The following KSR2 variants were observed in gnomAD, a reference collection of about 807,000 sequenced individuals.
KSR2 encodes the protein kinase suppressor of ras 2.
KSR2 carries 25 observed loss-of-function variants against 107.8 expected under a neutral mutation model. The observed-to-expected ratio is 0.23, with a 90% confidence interval of 0.17 to 0.32. The LOEUF is 0.32. Ranked by LOEUF, KSR2 falls within the 10% of genes least tolerant of loss-of-function variation. The probability of loss-of-function intolerance (pLI) is 1.00; values close to 1 mark genes in which losing one functional copy is unlikely to be tolerated. For missense variants in KSR2, 887 were observed against 1,268.9 expected (o/e 0.70, Z 4.57); for synonymous variants, 480 against 507.0 (o/e 0.95, Z 0.71).
intron 16 of KSR2, among the ~76,000 whole-genome samples, chr12:117,479,977 T>A (rs1428835775): frequency 1.3e-5 from 2 of 152,142 alleles, no homozygotes; most frequent in Non-Finnish European, 2.9e-5. Context: ...CACAGGACTG[T>A]GTCAGCTGCC....
intron 3 of KSR2, among the ~76,000 whole-genome samples, chr12:117,843,594 A>G (rs1264364331): frequency 6.6e-6 from 1 of 152,202 alleles, no homozygotes; most frequent in Non-Finnish European, 1.5e-5. Context: ...CATGCCCTGA[A>G]GAGTAACATG....
At chr12:117,660,586 C>T (rs1884394486) in intron 5 of KSR2, among the ~76,000 whole-genome samples, 1 of 152,152 alleles carries the variant, frequency 6.6e-6, no homozygotes, top group Admixed American at 6.5e-5. Flanking sequence ...CCTGCCAACA[C>T]CCTATTTCCA....
intron 4 of KSR2, among the ~76,000 whole-genome samples, chr12:117,728,627 G>A (rs1887540174): frequency 6.6e-6 from 1 of 152,212 alleles, no homozygotes; most frequent in African/African-American, 2.4e-5. Flanking sequence ...CAACCTGTGT[G>A]TTCCCCCAGC....
At chr12:117,567,486 T>C (rs1022767699) in intron 7 of KSR2, among the ~76,000 whole-genome samples, 3 of 151,932 alleles carry the variant, frequency 2.0e-5, no homozygotes, top group Admixed American at 1.3e-4. Context: ...GGGGAGCTAA[T>C]GAAGGATTTT....
At chr12:117,626,688 T>G (rs183549410) in intron 5 of KSR2, among the ~76,000 whole-genome samples, 20 of 152,318 alleles carry the variant, frequency 1.3e-4, no homozygotes, top group Admixed American at 1.3e-3. Flanking sequence ...TCTGTTGATT[T>G]GGGGTGGAGA....
intron 4 of KSR2, among the ~76,000 whole-genome samples, chr12:117,729,759 C>T (rs1887584785): frequency 6.6e-6 from 1 of 152,092 alleles, no homozygotes; most frequent in Admixed American, 6.5e-5. Context: ...TGTGCCCAGT[C>T]CTGTGTTAAA....
chr12:117,947,911 T>C (rs1896247881), intron 1 of KSR2, among the ~76,000 whole-genome samples: 1 of 152,154 alleles, frequency 6.6e-6, no homozygotes, highest in Non-Finnish European at 1.5e-5. Flanking sequence ...GTTCATAGTT[T>C]GGAAGACTTT....
At chr12:117,592,473 A>G (rs1880387570) in intron 5 of KSR2, among the ~76,000 whole-genome samples, 1 of 152,142 alleles carries the variant, frequency 6.6e-6, no homozygotes, top group South Asian at 2.1e-4. Flanking sequence ...GCAGGTAACC[A>G]TCAAGCTAGG....
At position 117,525,086 on chromosome 12, in the gene KSR2, G is replaced by A. The variant is rs1388937276; in HGVS notation, c.1985C>T (p.Pro662Leu). ...TSIFLQEWDI[P>L]FEQLEIGELI... Reference sequence around the variant, plus strand: ...CTCGCCGATCTCCAGCTGCTCAAAGGGGATGTCCCACTCCTGAAGGAAGAT... The same window carrying A: ...CTCGCCGATCTCCAGCTGCTCAAAGAGGATGTCCCACTCCTGAAGGAAGAT... Residue 662 changes from proline (P) to leucine (L), a missense_variant, in exon 14 of 20, where the codon CCC becomes CTC. Around this residue, in one of 8 missense-constraint regions of KSR2, gnomAD observed 308 missense variants for 506.2 expected, o/e 0.61. Transcript: ENST00000339824. 6.2e-7 allele frequency: 1 copy of A among 1,614,016 alleles called. No individual in the cohort carries two copies.
At chr12:117,898,391 G>C (rs913206579) in intron 1 of KSR2, among the ~76,000 whole-genome samples, 1 of 151,302 alleles carries the variant, frequency 6.6e-6, no homozygotes, top group Admixed American at 6.6e-5. Flanking sequence ...GAGTGAAGTG[G>C]TACAATCTCA....
chr12:117,467,921 T>G, intron 19 of KSR2: 1 of 52,628 alleles, frequency 1.9e-5, no homozygotes, highest in Non-Finnish European at 3.4e-5. Flanking sequence ...AGTCCTGTGT[T>G]TTTTTTTTTT....
At chr12:117,712,035 G>C (rs1050063626) in intron 4 of KSR2, among the ~76,000 whole-genome samples, 2 of 152,136 alleles carry the variant, frequency 1.3e-5, no homozygotes, top group African/African-American at 4.8e-5. Context: ...ATCCAGGTTT[G>C]AATCACCCAA....
At chr12:117,775,357 A>G (rs1889651071) in intron 3 of KSR2, among the ~76,000 whole-genome samples, 1 of 152,232 alleles carries the variant, frequency 6.6e-6, no homozygotes, top group African/African-American at 2.4e-5. Context: ...CATCATAGCC[A>G]TCCTAGTGGG....
At chr12:117,923,391 T>C (rs1350226653) in intron 1 of KSR2, among the ~76,000 whole-genome samples, 2 of 152,198 alleles carry the variant, frequency 1.3e-5, no homozygotes, top group Non-Finnish European at 2.9e-5. Flanking sequence ...CTTTATAGAA[T>C]ATAACTGCCA....
intron 1 of KSR2, among the ~76,000 whole-genome samples, chr12:117,877,676 C>T (rs1426893210): frequency 6.6e-6 from 1 of 152,158 alleles, no homozygotes; most frequent in East Asian, 1.9e-4. Context: ...ATGGAACTTG[C>T]CTAAGGTCAC....
intron 10 of KSR2, among the ~76,000 whole-genome samples, chr12:117,532,808 T>A (rs926804038): frequency 6.6e-6 from 1 of 152,080 alleles, no homozygotes; most frequent in Non-Finnish European, 1.5e-5. Context: ...GACACAGAGA[T>A]TTGTGTCCTT....
chr12:117,605,384 T>C (rs929288944), intron 5 of KSR2, among the ~76,000 whole-genome samples: 1 of 149,646 alleles, frequency 6.7e-6, no homozygotes, highest in African/African-American at 2.5e-5. Flanking sequence ...GTTCATTACA[T>C]AATTTTTATT....
rs374282432 is a variant in KSR2, at chr12:117,745,928, G to A, written c.986+15083C>T. On this transcript the variant is annotated intron_variant, in intron 4 of 19. Coordinates refer to ENST00000339824, the MANE Select transcript of KSR2 (RefSeq NM_173598.6). ...TACAAACCACTGCTCAAGGAAATAGGAGAGGACACAAGCAAACGGAAAAAC... is the reference window on the plus strand; with the variant it reads ...TACAAACCACTGCTCAAGGAAATAGAAGAGGACACAAGCAAACGGAAAAAC... Among the ~76,000 whole-genome samples, 79 of 152,194 alleles carry A rather than the reference G, an allele frequency of 5.2e-4. 1 individual carries two copies. In the South Asian group the frequency reaches 7.5e-3, roughly 14 times the overall value.
chr12:117,478,482 T>G (rs1871942367), intron 16 of KSR2, among the ~76,000 whole-genome samples: 1 of 152,068 alleles, frequency 6.6e-6, no homozygotes, highest in Admixed American at 6.6e-5. Flanking sequence ...TCACCCAGGC[T>G]GAAGTGCAGA....
Sources: gnomAD v4.1 joint callset for allele counts (sites outside exome capture counted in the v4.1 genomes callset) on GRCh38, gnomAD v4.1.1 for gene constraint, gnomAD v4.1.1 regional missense constraint, MANE v1.5 for transcripts, NCBI Gene and HGNC (gene_info 2026-07-23, HGNC 2026-07-21) for gene names.